The following MTHFD2L variants were observed in gnomAD, a reference collection of about 807,000 sequenced individuals.
MTHFD2L encodes the protein methylenetetrahydrofolate dehydrogenase (NADP+ dependent) 2 like.
In MTHFD2L, 29 loss-of-function variants were observed where a neutral mutation model predicts 34.9. The observed-to-expected ratio is 0.83, with a 90% confidence interval of 0.62 to 1.13. The LOEUF is 1.13. MTHFD2L is among the 50% of genes most tolerant of loss of function. The pLI, the probability that MTHFD2L is intolerant of heterozygous loss-of-function variation, is 0.00. For synonymous variants in MTHFD2L, 167 were observed against 155.7 expected (o/e 1.07, Z -0.54); for missense variants, 481 against 446.5 (o/e 1.08, Z -0.70).
At chr4:74,238,336 C>T (rs1578574306) in intron 6 of MTHFD2L, among the ~76,000 whole-genome samples, 1 of 152,216 alleles carries the variant, frequency 6.6e-6, no homozygotes, top group East Asian at 1.9e-4. Flanking sequence ...AAAGTCCTTT[C>T]TTTTTACTCA....
At chr4:74,272,899 C>G (rs750696515) in intron 6 of MTHFD2L, among the ~76,000 whole-genome samples, 1 of 152,134 alleles carries the variant, frequency 6.6e-6, no homozygotes, top group Admixed American at 6.6e-5. Flanking sequence ...TGAACTTATT[C>G]TTTCTTTGCT....
chr4:74,233,328 C>T (rs1047869418), intron 6 of MTHFD2L, among the ~76,000 whole-genome samples: 10 of 152,078 alleles, frequency 6.6e-5, no homozygotes, highest in Non-Finnish European at 1.0e-4. Flanking sequence ...TCAAAAGAAA[C>T]GTGGTCTTTA....
At chr4:74,175,933 C>T (rs1277754928) in intron 3 of MTHFD2L, among the ~76,000 whole-genome samples, 2 of 151,968 alleles carry the variant, frequency 1.3e-5, no homozygotes, top group Admixed American at 6.6e-5. Context: ...AATTCTATAA[C>T]TTATCATATG....
chr4:74,243,022 G>A (rs1009687901), intron 6 of MTHFD2L, among the ~76,000 whole-genome samples: 2 of 152,132 alleles, frequency 1.3e-5, no homozygotes, highest in African/African-American at 4.8e-5. Flanking sequence ...ACATACAAAT[G>A]TAACAGCAAA....
intron 6 of MTHFD2L, among the ~76,000 whole-genome samples, chr4:74,273,853 G>A (rs940564998): frequency 6.6e-6 from 1 of 152,096 alleles, no homozygotes; most frequent in East Asian, 1.9e-4. Flanking sequence ...AACCTCACAC[G>A]TGCAGTTTTC....
intron 1 of MTHFD2L, among the ~76,000 whole-genome samples, chr4:74,152,683 C>A (rs1211536481): frequency 1.3e-5 from 2 of 152,088 alleles, no homozygotes; most frequent in Non-Finnish European, 2.9e-5. Flanking sequence ...CTTGTCTCCA[C>A]CCCCTGACAG....
chr4:74,175,160 G>A, intron 2 of MTHFD2L, 121 bp from the exon 3 acceptor site: 1 of 1,026,160 alleles, frequency 9.7e-7, no homozygotes, highest in Non-Finnish European at 1.4e-6. Flanking sequence ...CCTTCCTGAT[G>A]ATGCATGGAA....
intron 1 of MTHFD2L, among the ~76,000 whole-genome samples, chr4:74,171,225 CAAAT>C (rs956137076): frequency 1.3e-5 from 2 of 152,000 alleles, no homozygotes; most frequent in African/African-American, 2.4e-5. Context: ...TCACAGATGG[CAAAT>C]AAGCATATGA....
At chr4:74,188,861 C>T (rs1321073036) in intron 3 of MTHFD2L, among the ~76,000 whole-genome samples, 1 of 149,894 alleles carries the variant, frequency 6.7e-6, no homozygotes, top group Non-Finnish European at 1.5e-5. Flanking sequence ...AAATTGTACT[C>T]TCTAAATGTA....
chr4:74,265,714 A>G (rs1745202856), intron 6 of MTHFD2L, among the ~76,000 whole-genome samples: 1 of 152,184 alleles, frequency 6.6e-6, no homozygotes, highest in African/African-American at 2.4e-5. Flanking sequence ...CATGGCTAGT[A>G]TTTTTGTCAT....
intron 7 of MTHFD2L, among the ~76,000 whole-genome samples, chr4:74,299,129 A>G (rs1749983847): frequency 6.6e-6 from 1 of 152,012 alleles, no homozygotes; most frequent in African/African-American, 2.4e-5. Flanking sequence ...ACCAAACTAT[A>G]TAAAAATAAT....
chr4:74,248,920 A>G (rs1355110807), intron 6 of MTHFD2L, among the ~76,000 whole-genome samples: 2 of 150,236 alleles, frequency 1.3e-5, no homozygotes, highest in East Asian at 3.9e-4. Flanking sequence ...CAATTTTGGA[A>G]TAGGTGTGGT....
chr4:74,293,913 TTACA>T (rs1306531904), intron 7 of MTHFD2L, among the ~76,000 whole-genome samples: 1 of 152,148 alleles, frequency 6.6e-6, no homozygotes, highest in African/African-American at 2.4e-5. Flanking sequence ...ATTTAGACAA[TTACA>T]TATGTATACC....
intron 6 of MTHFD2L, among the ~76,000 whole-genome samples, chr4:74,250,503 C>T (rs990103742): frequency 6.6e-6 from 1 of 152,066 alleles, no homozygotes; most frequent in Non-Finnish European, 1.5e-5. Flanking sequence ...TGGTTTTATC[C>T]CTCACACCTA....
chr4:74,249,274 G>C (rs1454329882), intron 6 of MTHFD2L, among the ~76,000 whole-genome samples: 2 of 151,342 alleles, frequency 1.3e-5, no homozygotes, highest in East Asian at 3.9e-4. Flanking sequence ...TTGGTTTAAA[G>C]TCTGTTTTAT....
At chr4:74,201,429 C>A in intron 5 of MTHFD2L, 59 bp downstream of exon 5, 1 of 1,240,188 alleles carries the variant, frequency 8.1e-7, no homozygotes, top group Non-Finnish European at 1.2e-6. Flanking sequence ...CTTACATCAT[C>A]AAGTAAACAC....
At chr4:74,120,566 C>A (rs1188355729), upstream of MTHFD2L, among the ~76,000 whole-genome samples, 1 of 152,210 alleles carries the variant, frequency 6.6e-6, no homozygotes, top group Non-Finnish European at 1.5e-5. Context: ...GAGGTCACTT[C>A]TGAATGTAAC....
chr4:74,261,455 A>G (rs896611131), intron 6 of MTHFD2L, among the ~76,000 whole-genome samples: 3 of 152,116 alleles, frequency 2.0e-5, no homozygotes, highest in Admixed American at 1.3e-4. Context: ...TTTCAAATAT[A>G]TAATCAAAGG....
intron 6 of MTHFD2L, among the ~76,000 whole-genome samples, chr4:74,236,340 T>G (rs1334226329): frequency 1.3e-5 from 2 of 152,226 alleles, no homozygotes; most frequent in Non-Finnish European, 2.9e-5. Flanking sequence ...TATGGCTTGA[T>G]TTTTTGATTT....
Sources: allele counts gnomAD v4.1 joint callset (sites outside exome capture counted in the v4.1 genomes callset), GRCh38; gene constraint gnomAD v4.1.1; transcripts MANE v1.5; gene names NCBI Gene and HGNC (gene_info 2026-07-23, HGNC 2026-07-21).